Variants in FSAF1 observed in about 807,000 individuals in gnomAD.
FSAF1 encodes the protein uncharacterized protein C1orf131.
At chr1:231,227,041 T>C in the FSAF1 span, 1 of 1,614,186 alleles carries the variant, frequency 6.2e-7, no homozygotes, top group Non-Finnish European at 8.5e-7. Context: ...TAACCCGTGA[T>C]ACCAAACCGG....
At chr1:231,224,729 T>C in the FSAF1 span, 1 of 311,176 alleles carries the variant, frequency 3.2e-6, no homozygotes, top group Non-Finnish European at 5.9e-6. Flanking sequence ...TCCCTGTGGT[T>C]TTCCTTCACA....
chr1:231,239,049 G>A, the FSAF1 span: 29 of 1,614,022 alleles, frequency 1.8e-5, no homozygotes, highest in Admixed American at 1.3e-4. Flanking sequence ...AGCTCGAAGC[G>A]CTCTTCCTCT....
At chr1:231,234,911 C>A in the FSAF1 span, among the ~76,000 whole-genome samples, 1 of 152,162 alleles carries the variant, frequency 6.6e-6, no homozygotes, top group East Asian at 1.9e-4. The surrounding 1 kb of genome is among the most constrained non-coding windows in gnomAD (Gnocchi z 4.0). Context: ...CCATTTAATA[C>A]AGCATTAGCC....
chr1:231,230,562 C>T, the FSAF1 span, among the ~76,000 whole-genome samples: 3 of 152,182 alleles, frequency 2.0e-5, no homozygotes, highest in Non-Finnish European at 4.4e-5. Flanking sequence ...TGCCATTGAC[C>T]ACCAATGGTG....
the FSAF1 span, among the ~76,000 whole-genome samples, chr1:231,236,419 A>C: frequency 2.0e-5 from 3 of 152,206 alleles, no homozygotes; most frequent in East Asian, 1.9e-4. Context: ...TGACAAATGA[A>C]AATTTTCATT....
At chr1:231,228,245 G>A in the FSAF1 span, among the ~76,000 whole-genome samples, 502 of 152,136 alleles carry the variant, frequency 3.3e-3, 3 homozygotes, top group African/African-American at 0.011. Context: ...ACTTACCATC[G>A]TATCAGTGGC....
At chr1:231,234,024 TGTAA>T in the FSAF1 span, among the ~76,000 whole-genome samples, 1 of 152,190 alleles carries the variant, frequency 6.6e-6, no homozygotes, top group Non-Finnish European at 1.5e-5. The surrounding 1 kb of genome is among the most constrained non-coding windows in gnomAD (Gnocchi z 4.0). Context: ...CTTAACCTCT[TGTAA>T]GTCTCAAGCT....
At chr1:231,239,418 A>C in the FSAF1 span, among the ~76,000 whole-genome samples, 4 of 152,220 alleles carry the variant, frequency 2.6e-5, no homozygotes, top group African/African-American at 7.2e-5. Context: ...TTATTAGCAC[A>C]ATCACTTTAG....
the FSAF1 span, chr1:231,227,161 G>A: frequency 2.2e-4 from 291 of 1,304,834 alleles, no homozygotes; most frequent in Non-Finnish European, 2.8e-4. Context: ...CAGATCCACC[G>A]CTCTGTAATG....
At chr1:231,225,842 A>G in the FSAF1 span, 2 of 336,374 alleles carry the variant, frequency 5.9e-6, no homozygotes, top group East Asian at 6.0e-5. Context: ...GAAAAAGACA[A>G]AAGAATGTGA....
the FSAF1 span, among the ~76,000 whole-genome samples, chr1:231,232,217 C>A: frequency 2.0e-5 from 3 of 152,156 alleles, no homozygotes; most frequent in Non-Finnish European, 4.4e-5. Flanking sequence ...TCTTTCCCCC[C>A]ATATTCTCTG....
chr1:231,233,558 A>C, the FSAF1 span, among the ~76,000 whole-genome samples: 2 of 151,960 alleles, frequency 1.3e-5, no homozygotes, highest in African/African-American at 2.4e-5. Context: ...ATGAACAAAA[A>C]ATTTTTTTTT....
the FSAF1 span, chr1:231,225,712 GGC>G: frequency 1.6e-6 from 1 of 612,074 alleles, no homozygotes; most frequent in Non-Finnish European, 2.9e-6. Flanking sequence ...GGCTGGGCCT[GGC>G]GTGGTGGCTC....
At chr1:231,231,862 C>T in the FSAF1 span, among the ~76,000 whole-genome samples, 6 of 152,062 alleles carry the variant, frequency 3.9e-5, no homozygotes, top group African/African-American at 9.7e-5. Flanking sequence ...GCTGAGGGGC[C>T]GACTAGACCA....
the FSAF1 span, chr1:231,236,933 A>G: frequency 6.6e-6 from 1 of 152,122 alleles, no homozygotes; most frequent in African/African-American, 2.4e-5. Context: ...GGAACATAAG[A>G]GTTAAGAAGC....
At chr1:231,238,724 C>T in the FSAF1 span, 2 of 796,938 alleles carry the variant, frequency 2.5e-6, no homozygotes, top group Admixed American at 5.6e-5. Context: ...AGTCTTGGGT[C>T]CTGTGAGTCC....
chr1:231,241,109 C>T, the FSAF1 span: 3 of 1,613,674 alleles, frequency 1.9e-6, no homozygotes, highest in Non-Finnish European at 2.5e-6. Flanking sequence ...GCTCCTGCGA[C>T]ATTGTGGGGT....
At chr1:231,235,428 C>T in the FSAF1 span, among the ~76,000 whole-genome samples, 1 of 150,676 alleles carries the variant, frequency 6.6e-6, no homozygotes, top group South Asian at 2.1e-4. Flanking sequence ...ACCCGGGAGG[C>T]GGAGGTTGTA....
At chr1:231,240,984 A>C in the FSAF1 span, 1 of 1,572,922 alleles carries the variant, frequency 6.4e-7, no homozygotes, top group Non-Finnish European at 8.8e-7. The surrounding 1 kb of genome is among the most constrained non-coding windows in gnomAD (Gnocchi z 4.1). Flanking sequence ...ACGTTCCTCA[A>C]ATCTGTTCTC....
Sources: gnomAD v4.1 joint callset for allele counts (sites outside exome capture counted in the v4.1 genomes callset) on GRCh38, gnomAD v4.1.1 for gene constraint, Gnocchi (gnomAD v3.1) non-coding constraint, MANE v1.5 for transcripts, NCBI Gene and HGNC (gene_info 2026-07-23, HGNC 2026-07-21) for gene names.